Variants in DDX31 observed in about 807,000 individuals in gnomAD.
DDX31 encodes the protein ATP-dependent DNA helicase DDX31.
In DDX31, 70 loss-of-function variants were observed where a neutral mutation model predicts 91.3. The ratio of observed to expected loss-of-function variants is 0.77; its 90% CI spans 0.63 to 0.94. DDX31 has a LOEUF of 0.94. Ranked by LOEUF, DDX31 falls within the 40% of genes least tolerant of loss-of-function variation. DDX31 has a pLI of 0.00. For missense variants in DDX31, 902 were observed against 925.0 expected (o/e 0.98, Z 0.32); for synonymous variants, 362 against 350.6 (o/e 1.03, Z -0.36).
chr9:132,652,037 T>C (rs1398707508), intron 7 of DDX31, among the ~76,000 whole-genome samples: 1 of 152,174 alleles, frequency 6.6e-6, no homozygotes, highest in Non-Finnish European at 1.5e-5. Flanking sequence ...AAAAAAATAT[T>C]GAAAAGTTTA....
intron 17 of DDX31, among the ~76,000 whole-genome samples, chr9:132,621,060 G>C (rs1831999511): frequency 6.6e-6 from 1 of 152,114 alleles, no homozygotes. Flanking sequence ...TCCTTTGTTG[G>C]GATAAGTTTA....
chr9:132,638,047 C>A, intron 14 of DDX31: 1 of 1,205,338 alleles, frequency 8.3e-7, no homozygotes, highest in Non-Finnish European at 1.0e-6. Context: ...TGGAGGAAAG[C>A]AGCACAGGTG....
Position 132,624,688 on chromosome 9 carries a change from G to A in DDX31, c.1713+976C>T, listed in dbSNP as rs547841433. The stretch of plus-strand genomic sequence containing the variant: ...TTCTCGGATTGCTATAAGATTAAAT[G>A]GGACCGTGCACATAAAGAGTGTAGC... On this transcript the variant is annotated intron_variant, in intron 17 of 19. Coordinates refer to ENST00000372159, the MANE Select transcript of DDX31 (RefSeq NM_022779.9). Among the ~76,000 whole-genome samples, 6 of 152,280 alleles carry A rather than the reference G, an allele frequency of 3.9e-5. No homozygotes were observed. The South Asian group carries it at 1.2e-3, about 32-fold the overall frequency.
chr9:132,613,074 G>T (rs1379590064), intron 18 of DDX31, among the ~76,000 whole-genome samples: 2 of 152,102 alleles, frequency 1.3e-5, no homozygotes, highest in East Asian at 3.9e-4. Flanking sequence ...TAGAGACAGG[G>T]TTTCACTATG....
chr9:132,659,663 C>A (rs1227124927), intron 5 of DDX31, 47 bp downstream of exon 5: 3 of 1,569,996 alleles, frequency 1.9e-6, no homozygotes, highest in Admixed American at 3.5e-5. Flanking sequence ...AGTGCATGAC[C>A]ATGGGCCTGA....
At chr9:132,645,763 G>T in intron 13 of DDX31, 132 bp downstream of exon 13, 2 of 991,478 alleles carry the variant, frequency 2.0e-6, no homozygotes, top group Non-Finnish European at 2.8e-6. Context: ...TCTCATTCTT[G>T]ACTTGCCCAG....
At chr9:132,660,812 T>C (rs144176274) in intron 4 of DDX31, among the ~76,000 whole-genome samples, 1 of 152,352 alleles carries the variant, frequency 6.6e-6, no homozygotes, top group Admixed American at 6.5e-5. Context: ...TTGAAAACAT[T>C]TTTTCAGTAT....
chr9:132,655,574 G>GA (rs1330936073), intron 6 of DDX31, among the ~76,000 whole-genome samples: 1 of 152,158 alleles, frequency 6.6e-6, no homozygotes, highest in African/African-American at 2.4e-5. Flanking sequence ...GCCACTAAGG[G>GA]AAAGTGGGAA....
At chr9:132,655,610 A>G (rs1040574633) in intron 6 of DDX31, among the ~76,000 whole-genome samples, 1 of 152,156 alleles carries the variant, frequency 6.6e-6, no homozygotes, top group African/African-American at 2.4e-5. Flanking sequence ...TTCGCTATAT[A>G]TATTTTTGGT....
At chr9:132,657,554 T>G (rs985457900) in intron 6 of DDX31, among the ~76,000 whole-genome samples, 1 of 152,252 alleles carries the variant, frequency 6.6e-6, no homozygotes, top group Non-Finnish European at 1.5e-5. Flanking sequence ...TCACGGATAT[T>G]TTGTTTTAGT....
At chr9:132,627,885 C>T (rs1832493697) in intron 16 of DDX31, among the ~76,000 whole-genome samples, 1 of 152,230 alleles carries the variant, frequency 6.6e-6, no homozygotes, top group Admixed American at 6.5e-5. Flanking sequence ...CTCTGCCTGG[C>T]TCTCATGTTC....
intron 14 of DDX31, among the ~76,000 whole-genome samples, chr9:132,641,017 CCT>C (rs1436269518): frequency 1.3e-5 from 2 of 152,138 alleles, no homozygotes; most frequent in African/African-American, 4.8e-5. Flanking sequence ...CCACTGTTTG[CCT>C]CACACACGAG....
At position 132,638,399 on chromosome 9, in the gene DDX31, C is replaced by A. The variant is rs549287434; in HGVS notation, c.1440+3605G>T. On this transcript the variant is annotated intron_variant, in intron 14 of 19. Transcript: ENST00000372159. Reference sequence around the variant, plus strand: ...GAGGAAATAACATTTTGCAGATAATCCAGTGTCTGATATCTGATCCCTTTG... The same window carrying A: ...GAGGAAATAACATTTTGCAGATAATACAGTGTCTGATATCTGATCCCTTTG... The A allele has an allele frequency of 3.5e-5, 56 of 1,614,048 alleles. 1 individual carries two copies. In the South Asian group the frequency reaches 5.7e-4, roughly 16 times the overall value.
At chr9:132,604,745 C>T (rs1830917844) in intron 19 of DDX31, among the ~76,000 whole-genome samples, 1 of 152,200 alleles carries the variant, frequency 6.6e-6, no homozygotes, top group Non-Finnish European at 1.5e-5. Context: ...CCATATACTG[C>T]CACATCTGTC....
intron 19 of DDX31, among the ~76,000 whole-genome samples, chr9:132,599,257 C>A (rs1459736865): frequency 2.6e-5 from 4 of 152,226 alleles, no homozygotes; most frequent in African/African-American, 7.2e-5. Context: ...GAGATTAGGT[C>A]ATTTGTCCAG....
intron 7 of DDX31, 150 bp downstream of exon 7, chr9:132,652,298 C>A (rs1297629199): frequency 3.7e-6 from 3 of 815,548 alleles, no homozygotes; most frequent in South Asian, 2.1e-5. Context: ...TTCTCCTTGA[C>A]AAGAACCAGA....
At chr9:132,613,371 C>A (rs755514393) in intron 18 of DDX31, among the ~76,000 whole-genome samples, 2 of 152,196 alleles carry the variant, frequency 1.3e-5, no homozygotes, top group Non-Finnish European at 2.9e-5. Context: ...TCAAACACTA[C>A]GTCAGGAAAG....
chr9:132,618,455 G>A lies in DDX31; in HGVS notation c.1714-14C>T, dbSNP rs773133424. 8 of 1,603,540 alleles carry A rather than the reference G, an allele frequency of 5.0e-6. No homozygotes were observed. The highest frequency in any genetic ancestry group is 1.7e-4 in the Middle Eastern group (1 of 6,042). ...AGCATGGGATTTCTGAGAGGGCGACGGAAGGATTAAAGGAGAGATAGAGTC... is the reference window on the plus strand; with the variant it reads ...AGCATGGGATTTCTGAGAGGGCGACAGAAGGATTAAAGGAGAGATAGAGTC... On this transcript the variant is annotated splice_polypyrimidine_tract_variant and intron_variant, in intron 17 of 19. Transcript: ENST00000372159.
chr9:132,640,048 C>T lies in DDX31; in HGVS notation c.1440+1956G>A, dbSNP rs868403382. 1.1e-4 allele frequency among the ~76,000 whole-genome samples: 16 copies of T among 152,326 alleles called. No individual in the cohort carries two copies. In the South Asian group the frequency reaches 1.2e-3, roughly 12 times the overall value. On this transcript the variant is annotated intron_variant, in intron 14 of 19. Coordinates refer to ENST00000372159, the MANE Select transcript of DDX31 (RefSeq NM_022779.9). Reference sequence around the variant, plus strand: ...CCCCAATTTGATCTACAAAACCAAGCGCCTACTGCATGCCTGCTCTGTGCT... The same window carrying T: ...CCCCAATTTGATCTACAAAACCAAGTGCCTACTGCATGCCTGCTCTGTGCT...
Sources: gnomAD v4.1 joint callset for allele counts (sites outside exome capture counted in the v4.1 genomes callset) on GRCh38, gnomAD v4.1.1 for gene constraint, MANE v1.5 for transcripts, NCBI Gene and HGNC (gene_info 2026-07-23, HGNC 2026-07-21) for gene names.